The following FGF12 variants were observed in gnomAD, a reference collection of about 807,000 sequenced individuals.
FGF12 encodes fibroblast growth factor 12.
In FGF12, 14 loss-of-function variants were observed where a neutral mutation model predicts 23.6. The observed-to-expected ratio is 0.59, with a 90% confidence interval of 0.39 to 0.93. The LOEUF is 0.93. Among genes scored for constraint, FGF12 ranks in the 40% least tolerant of loss-of-function variants. FGF12 has a pLI of 0.00. For synonymous variants in FGF12, 62 were observed against 77.3 expected (o/e 0.80, Z 1.04); for missense variants, 175 against 217.8 (o/e 0.80, Z 1.24).
chr3:192,669,986 T>C (rs1011124580), intron 2 of FGF12, among the ~76,000 whole-genome samples: 7 of 152,198 alleles, frequency 4.6e-5, no homozygotes, highest in African/African-American at 1.7e-4. Flanking sequence ...CTCTAATCTT[T>C]AAGAAACAAT....
chr3:192,632,332 G>A (rs778501357), intron 2 of FGF12, among the ~76,000 whole-genome samples: 3 of 152,052 alleles, frequency 2.0e-5, no homozygotes, highest in African/African-American at 7.2e-5. Context: ...TAGAGAAAAA[G>A]AAATGATTTT....
At chr3:192,553,595 C>T (rs1409210896) in intron 2 of FGF12, among the ~76,000 whole-genome samples, 1 of 152,150 alleles carries the variant, frequency 6.6e-6, no homozygotes, top group Non-Finnish European at 1.5e-5. Context: ...TTGTTAGAAA[C>T]CCATAAACCA....
Position 192,428,361 on chromosome 3 carries a change from G to A in FGF12, c.14-67823C>T, listed in dbSNP as rs115630703. Among the ~76,000 whole-genome samples the A allele has an allele frequency of 7.2e-3, 1,099 of 152,260 alleles. 17 individuals are homozygous for A. The highest frequency in any genetic ancestry group is 0.024 in the African/African-American group (999 of 41,552). On this transcript the variant is annotated intron_variant, in intron 2 of 5. Coordinates refer to ENST00000445105, the MANE Select transcript of FGF12 (RefSeq NM_004113.6). ...AGAGGAAGAAGGGAAGGGGGAAACA[G>A]TTCACATGTATGAAAATAAGGGAAA... is the stretch of plus-strand genomic sequence containing the variant.
chr3:192,501,873 T>C (rs1724143078), intron 2 of FGF12, among the ~76,000 whole-genome samples: 1 of 152,240 alleles, frequency 6.6e-6, no homozygotes, highest in Non-Finnish European at 1.5e-5. Flanking sequence ...ATAGGGTTCA[T>C]GCAGGCTCAT....
intron 2 of FGF12, among the ~76,000 whole-genome samples, chr3:192,494,978 G>A (rs1392926554): frequency 1.3e-5 from 2 of 151,736 alleles, no homozygotes; most frequent in Admixed American, 1.3e-4. Context: ...CTCCTGCCTC[G>A]GCCTCCTGAG....
At chr3:192,213,460 A>T (rs1274510581) in intron 4 of FGF12, among the ~76,000 whole-genome samples, 1 of 152,150 alleles carries the variant, frequency 6.6e-6, no homozygotes, top group East Asian at 1.9e-4. Context: ...TTATTTTCTC[A>T]TTTATAAATA....
Position 192,474,729 on chromosome 3 carries a change from C to A in FGF12, c.14-114191G>T, listed in dbSNP as rs566259140. ...GGTGAAACCCTGTCTCTACTAAAAA[C>A]ACAAAATTAGCCAGGTGTGGTGATG... On this transcript the variant is annotated intron_variant, in intron 2 of 5. Transcript: ENST00000445105. Among the ~76,000 whole-genome samples, 265 of 151,932 alleles carry A rather than the reference C, an allele frequency of 1.7e-3. 1 individual carries two copies. The highest frequency in any genetic ancestry group is 3.0e-3 in the Non-Finnish European group (205 of 67,958).
intron 2 of FGF12, among the ~76,000 whole-genome samples, chr3:192,415,297 C>T (rs936769897): frequency 3.3e-5 from 5 of 152,044 alleles, no homozygotes; most frequent in Non-Finnish European, 5.9e-5. Flanking sequence ...AAGAGAAACT[C>T]GGCTAGAAGA....
At chr3:192,189,535 A>G (rs1184224889) in intron 4 of FGF12, among the ~76,000 whole-genome samples, 1 of 152,198 alleles carries the variant, frequency 6.6e-6, no homozygotes, top group African/African-American at 2.4e-5. Flanking sequence ...GTACTTGGAA[A>G]TAGGACCTTT....
rs1308751718 is a variant in FGF12 at position 192,142,075 on chromosome 3, T to A, written c.*1934A>T. 1.3e-5 allele frequency: 2 copies of A among 152,520 alleles called. No homozygotes were observed. The highest frequency in any genetic ancestry group is 1.3e-4 in the Admixed American group (2 of 15,264). 9.4% of individuals were successfully genotyped at this position (152,520 alleles called of 1,614,324 possible). A position where few individuals can be genotyped will look rare whatever the true frequency, so the allele number is the denominator to read the frequency against. On this transcript the variant is annotated 3_prime_UTR_variant, in exon 6 of 6. Transcript: ENST00000445105. ...CAAGTCCATTTTTAGAAAATTTAAATGTCTTTATTTGTTACTTTCCAAATA... is the reference window on the plus strand; with the variant it reads ...CAAGTCCATTTTTAGAAAATTTAAAAGTCTTTATTTGTTACTTTCCAAATA...
chr3:192,198,034 C>T (rs1717168239), intron 4 of FGF12, among the ~76,000 whole-genome samples: 1 of 149,918 alleles, frequency 6.7e-6, no homozygotes, highest in Non-Finnish European at 1.5e-5. Context: ...CTTCTTCTCT[C>T]ACAATATCAG....
chr3:192,252,916 A>G (rs1249075148), intron 4 of FGF12, among the ~76,000 whole-genome samples: 1 of 152,102 alleles, frequency 6.6e-6, no homozygotes, highest in African/African-American at 2.4e-5. Context: ...ACCCTGGGGG[A>G]ACTGATTTGG....
At chr3:192,339,554 C>T (rs1223775285) in intron 3 of FGF12, among the ~76,000 whole-genome samples, 1 of 152,092 alleles carries the variant, frequency 6.6e-6, no homozygotes, top group Non-Finnish European at 1.5e-5. Context: ...CCTAAGTTCC[C>T]CCTCGATCTT....
At chr3:192,674,123 C>T (rs1371824797) in intron 2 of FGF12, among the ~76,000 whole-genome samples, 2 of 149,828 alleles carry the variant, frequency 1.3e-5, no homozygotes, top group Non-Finnish European at 3.0e-5. Flanking sequence ...TTTTTTGTGC[C>T]CTATCTCATG....
intron 2 of FGF12, among the ~76,000 whole-genome samples, chr3:192,370,941 G>T (rs149670367): frequency 7.0e-4 from 107 of 152,302 alleles, no homozygotes; most frequent in African/African-American, 2.4e-3. Context: ...TGAAAGTGTG[G>T]GTGAAGAAAG....
intron 2 of FGF12, among the ~76,000 whole-genome samples, chr3:192,639,069 T>C (rs181972210): frequency 6.6e-5 from 10 of 152,292 alleles, no homozygotes; most frequent in African/African-American, 2.2e-4. Context: ...GGGATCAGTA[T>C]CCAAGATTTA....
chr3:192,359,312 T>C (rs942118249), intron 3 of FGF12, among the ~76,000 whole-genome samples: 9 of 152,212 alleles, frequency 5.9e-5, no homozygotes, highest in African/African-American at 2.2e-4. Context: ...CATTAGGGAT[T>C]TTAAATTTTT....
At chr3:192,584,704 C>T (rs961467411) in intron 2 of FGF12, among the ~76,000 whole-genome samples, 5 of 152,138 alleles carry the variant, frequency 3.3e-5, no homozygotes, top group African/African-American at 1.2e-4. Flanking sequence ...CCAGGCTGCC[C>T]TGTATTGTCT....
chr3:192,542,342 C>G (rs1021505365), intron 2 of FGF12, among the ~76,000 whole-genome samples: 4 of 152,074 alleles, frequency 2.6e-5, no homozygotes, highest in Non-Finnish European at 5.9e-5. Context: ...CTGCATAATT[C>G]TTTTTTAATT....
Sources: allele counts gnomAD v4.1 joint callset (sites outside exome capture counted in the v4.1 genomes callset), GRCh38; gene constraint gnomAD v4.1.1; transcripts MANE v1.5; gene names NCBI Gene and HGNC (gene_info 2026-07-23, HGNC 2026-07-21).